The following PLCB1 variants were observed in gnomAD, a reference collection of about 807,000 sequenced individuals.
PLCB1 encodes 1-phosphatidylinositol 4,5-bisphosphate phosphodiesterase beta-1.
Under a neutral mutation model 161.8 loss-of-function variants are expected in PLCB1, and 46 were observed. The observed-to-expected ratio is 0.28, with a 90% confidence interval of 0.22 to 0.36. The LOEUF is 0.36. Among genes scored for constraint, PLCB1 ranks in the 10% least tolerant of loss-of-function variants. The pLI is 1.00. For synonymous variants in PLCB1, 517 were observed against 503.7 expected (o/e 1.03, Z -0.35); for missense variants, 1,016 against 1,472.5 (o/e 0.69, Z 5.07).
rs778482377 is a variant in PLCB1, at chr20:8,739,259, A to T, written c.2209-2A>T. ...CAGGTGTGTCCTTAATGTCCTTTGT[A>T]GGTGGTTCTTCCTACTCTGGCCTGT... On this transcript the variant is annotated splice_acceptor_variant, in intron 20 of 31. Transcript: ENST00000338037. LOFTEE classifies it high-confidence loss of function. 1 of 1,582,524 alleles carries T rather than the reference A, an allele frequency of 6.3e-7. No homozygotes were observed. The highest frequency in any genetic ancestry group is 8.7e-7 in the Non-Finnish European group (1 of 1,151,294).
At chr20:8,332,463 G>C (rs1170779095) in intron 2 of PLCB1, among the ~76,000 whole-genome samples, 1 of 152,198 alleles carries the variant, frequency 6.6e-6, no homozygotes, top group Non-Finnish European at 1.5e-5. Context: ...GTTATCACTT[G>C]TGGCATATTA....
chr20:8,593,386 G>A (rs376884505), intron 3 of PLCB1, among the ~76,000 whole-genome samples: 1 of 151,972 alleles, frequency 6.6e-6, no homozygotes, highest in Non-Finnish European at 1.5e-5. Context: ...TGAAGACAGG[G>A]TCTTGCTCTG....
chr20:8,251,218 G>A (rs551025622), intron 2 of PLCB1, among the ~76,000 whole-genome samples: 5 of 152,002 alleles, frequency 3.3e-5, no homozygotes, highest in South Asian at 2.1e-4. Context: ...TGACTTAATC[G>A]CCTCCCAAAG....
chr20:8,382,390 C>T (rs1411526800), intron 3 of PLCB1, among the ~76,000 whole-genome samples: 5 of 150,210 alleles, frequency 3.3e-5, no homozygotes, highest in East Asian at 3.9e-4. Context: ...TCACGCCATT[C>T]TCCTCCCTCA....
chr20:8,253,540 A>C (rs961432005), intron 2 of PLCB1, among the ~76,000 whole-genome samples: 3 of 151,998 alleles, frequency 2.0e-5, no homozygotes, highest in Non-Finnish European at 4.4e-5. Flanking sequence ...TCTGGTCTAC[A>C]TGAATTTGTG....
intron 31 of PLCB1, among the ~76,000 whole-genome samples, chr20:8,824,675 T>C (rs760986382): frequency 8.5e-5 from 13 of 152,188 alleles, no homozygotes; most frequent in Non-Finnish European, 1.6e-4. Flanking sequence ...AGCAGTACAA[T>C]GAGGACTGGG....
rs1988020156 is a variant in PLCB1, at chr20:8,882,150, A to T, written c.*301A>T. 1 of 301,228 alleles carries T rather than the reference A, an allele frequency of 3.3e-6. No homozygotes were observed. The highest frequency in any genetic ancestry group is 4.7e-5 in the Admixed American group (1 of 21,168). 18.7% of individuals were successfully genotyped at this position (301,228 alleles called of 1,614,324 possible). ...GGCTCCATGGAACTTTTAATGAAGG[A>T]CAGTGTCTTCTTTGAAGAAAATCAA... On this transcript the variant is annotated 3_prime_UTR_variant, in exon 32 of 32. Transcript: ENST00000338037.
intron 31 of PLCB1, among the ~76,000 whole-genome samples, chr20:8,859,474 T>C (rs774126412): frequency 3.3e-5 from 5 of 152,200 alleles, no homozygotes; most frequent in Non-Finnish European, 7.3e-5. Flanking sequence ...GACCACACTT[T>C]GAGTAGCAAG....
intron 3 of PLCB1, among the ~76,000 whole-genome samples, chr20:8,587,844 T>C (rs927104308): frequency 2.0e-5 from 3 of 152,186 alleles, no homozygotes; most frequent in Admixed American, 2.0e-4. Flanking sequence ...CCAGAGATTG[T>C]AGTTAGTAAA....
intron 1 of PLCB1, among the ~76,000 whole-genome samples, chr20:8,136,774 A>G (rs923027238): frequency 6.6e-6 from 1 of 152,024 alleles, no homozygotes; most frequent in African/African-American, 2.4e-5. Context: ...TTTTGATTTT[A>G]TACTTTATAA....
intron 31 of PLCB1, among the ~76,000 whole-genome samples, chr20:8,806,255 C>T (rs963830899): frequency 3.3e-5 from 5 of 152,058 alleles, no homozygotes; most frequent in African/African-American, 9.6e-5. Context: ...AGCTGTTTTC[C>T]GTGTTCATCG....
chr20:8,762,076 G>A (rs1982069420), intron 25 of PLCB1, among the ~76,000 whole-genome samples: 1 of 151,986 alleles, frequency 6.6e-6, no homozygotes, highest in African/African-American at 2.4e-5. Flanking sequence ...CCGCTGTGGT[G>A]GCGCGCACCT....
At chr20:8,443,153 T>C (rs1980647185) in intron 3 of PLCB1, among the ~76,000 whole-genome samples, 1 of 152,060 alleles carries the variant, frequency 6.6e-6, no homozygotes, top group African/African-American at 2.4e-5. Flanking sequence ...CTAATATTTT[T>C]GTATTTTTAG....
At chr20:8,589,308 C>T (rs768338431) in intron 3 of PLCB1, among the ~76,000 whole-genome samples, 15 of 152,216 alleles carry the variant, frequency 9.9e-5, no homozygotes, top group Non-Finnish European at 1.5e-4. Flanking sequence ...GGAATTTACA[C>T]TCTAGTAGCA....
At chr20:8,567,174 C>G (rs558046723) in intron 3 of PLCB1, among the ~76,000 whole-genome samples, 7 of 152,124 alleles carry the variant, frequency 4.6e-5, no homozygotes, top group African/African-American at 1.7e-4. Flanking sequence ...TAAAATGTCA[C>G]GGACTTCTGC....
chr20:8,168,562 G>A (rs1268663442), intron 2 of PLCB1, among the ~76,000 whole-genome samples: 5 of 152,158 alleles, frequency 3.3e-5, no homozygotes, highest in Admixed American at 3.3e-4. Flanking sequence ...ATGGTGCACA[G>A]ACAGCAGCCT....
At chr20:8,620,365 CTG>C (rs775097101) in intron 3 of PLCB1, among the ~76,000 whole-genome samples, 2 of 152,144 alleles carry the variant, frequency 1.3e-5, no homozygotes, top group Non-Finnish European at 2.9e-5. Context: ...GTTTGGAAAA[CTG>C]AGGCACAGAA....
At chr20:8,454,594 G>C (rs1981215412) in intron 3 of PLCB1, among the ~76,000 whole-genome samples, 1 of 152,096 alleles carries the variant, frequency 6.6e-6, no homozygotes, top group Admixed American at 6.5e-5. Context: ...TGACTCACTG[G>C]TTATTGGGCT....
At chr20:8,380,284 G>T (rs1987218067) in intron 3 of PLCB1, among the ~76,000 whole-genome samples, 1 of 150,688 alleles carries the variant, frequency 6.6e-6, no homozygotes, top group African/African-American at 2.4e-5. Flanking sequence ...TAGGTGTGTG[G>T]TGTTCTATTC....
Sources: gnomAD v4.1 joint callset for allele counts (sites outside exome capture counted in the v4.1 genomes callset) on GRCh38, gnomAD v4.1.1 for gene constraint, MANE v1.5 for transcripts, NCBI Gene and HGNC (gene_info 2026-07-23, HGNC 2026-07-21) for gene names.